Variants in KHDRBS2 observed in about 807,000 individuals in gnomAD.
KHDRBS2 encodes the protein KH domain-containing, RNA-binding, signal transduction-associated protein 2.
In KHDRBS2, 26 loss-of-function variants were observed where a neutral mutation model predicts 44.3. The ratio of observed to expected loss-of-function variants is 0.59; its 90% CI spans 0.43 to 0.81. The LOEUF is 0.81. Ranked by LOEUF, KHDRBS2 falls within the 40% of genes least tolerant of loss-of-function variation. The probability of loss-of-function intolerance (pLI) is 0.00; values close to 1 mark genes in which losing one functional copy is unlikely to be tolerated. For synonymous variants in KHDRBS2, 194 were observed against 151.1 expected, an observed-to-expected ratio of 1.28 and a Z score of -2.08; for missense variants, 476 against 433.1, an observed-to-expected ratio of 1.10 and a Z score of -0.88.
At chr6:61,920,040 G>A (rs537697517) in intron 4 of KHDRBS2, among the ~76,000 whole-genome samples, 9 of 151,896 alleles carry the variant, frequency 5.9e-5, no homozygotes, top group South Asian at 4.2e-4. Flanking sequence ...TAGATAAAAC[G>A]CATGACTATA....
At chr6:61,804,135 A>G (rs1316760259) in intron 6 of KHDRBS2, among the ~76,000 whole-genome samples, 7 of 152,174 alleles carry the variant, frequency 4.6e-5, no homozygotes, top group Non-Finnish European at 7.3e-5. Flanking sequence ...CTACGAGTCT[A>G]CAAAATCAAA....
the KHDRBS2 span, among the ~76,000 whole-genome samples, chr6:61,633,755 C>T: frequency 2.0e-5 from 3 of 151,854 alleles, no homozygotes; most frequent in Non-Finnish European, 4.4e-5. Context: ...AGCCCAAGGG[C>T]AATTCTTTAT....
chr6:62,087,229 A>G (rs908455102), intron 2 of KHDRBS2, among the ~76,000 whole-genome samples: 3 of 152,154 alleles, frequency 2.0e-5, no homozygotes, highest in African/African-American at 7.2e-5. Flanking sequence ...AAAGCATACC[A>G]GAAGGATATG....
chr6:61,724,631 C>A (rs115003590), intron 7 of KHDRBS2, among the ~76,000 whole-genome samples: 15 of 151,632 alleles, frequency 9.9e-5, no homozygotes, highest in Non-Finnish European at 2.1e-4. Flanking sequence ...ACCAAGCAAA[C>A]GGAAAACGAA....
At chr6:62,165,934 A>C (rs563230688) in intron 2 of KHDRBS2, among the ~76,000 whole-genome samples, 2 of 151,924 alleles carry the variant, frequency 1.3e-5, no homozygotes, top group East Asian at 1.9e-4. Context: ...CCAAACAAAA[A>C]CTCGGTACCC....
At chr6:61,884,755 G>A (rs1240018919) in intron 6 of KHDRBS2, among the ~76,000 whole-genome samples, 1 of 151,088 alleles carries the variant, frequency 6.6e-6, no homozygotes, top group Admixed American at 6.6e-5. Context: ...CACTAACTTG[G>A]TTCTAGCTAA....
chr6:62,194,480 C>CTTTTT lies in KHDRBS2; in HGVS notation c.92-17173_92-17169dup, dbSNP rs70996208. Among the ~76,000 whole-genome samples the CTTTTT allele has an allele frequency of 4.4e-4, 31 of 69,766 alleles. 2 individuals are homozygous for CTTTTT. Among genetic ancestry groups the CTTTTT allele is most frequent in the South Asian group, 6.2e-4 (1 of 1,608 alleles). The allele number at this position is 69,766 out of a possible 152,430, so 45.8% of individuals were successfully genotyped here. A position where few individuals can be genotyped will look rare whatever the true frequency, so the allele number is the denominator to read the frequency against. ...CACTTTCTTTTCTTTTCTTTTCTTCCTTTTTTTTTTTTTTTTTTTTTTTTT... is the reference window on the plus strand; with the variant it reads ...CACTTTCTTTTCTTTTCTTTTCTTCCTTTTTTTTTTTTTTTTTTTTTTTTTTTTTT... On this transcript the variant is annotated intron_variant, in intron 1 of 8. Coordinates refer to ENST00000281156, the MANE Select transcript of KHDRBS2 (RefSeq NM_152688.4).
chr6:61,828,307 TAA>T (rs1791241875), intron 6 of KHDRBS2, among the ~76,000 whole-genome samples: 1 of 152,148 alleles, frequency 6.6e-6, no homozygotes, highest in African/African-American at 2.4e-5. Context: ...CCAATTTTGA[TAA>T]AGTCTATAAA....
At chr6:61,858,844 C>A (rs1449639033) in intron 6 of KHDRBS2, among the ~76,000 whole-genome samples, 1 of 151,724 alleles carries the variant, frequency 6.6e-6, no homozygotes. Context: ...CGTATATTGG[C>A]CAGATTATCG....
At chr6:61,881,429 T>C (rs970217984) in intron 6 of KHDRBS2, among the ~76,000 whole-genome samples, 4 of 151,970 alleles carry the variant, frequency 2.6e-5, no homozygotes, top group Non-Finnish European at 5.9e-5. Flanking sequence ...GGAGATTCTA[T>C]ATAAATTCTA....
At chr6:62,144,013 C>T (rs1459224273) in intron 2 of KHDRBS2, among the ~76,000 whole-genome samples, 1 of 151,842 alleles carries the variant, frequency 6.6e-6, no homozygotes. Context: ...TCATCTAAGC[C>T]AGTGATAAAC....
Position 62,177,372 on chromosome 6 carries a change from G to A in KHDRBS2, c.92-60C>T, listed in dbSNP as rs1052888135. 5 of 1,285,086 alleles carry A rather than the reference G, an allele frequency of 3.9e-6. No individual in the cohort carries two copies. In the African/African-American group the frequency reaches 7.5e-5, roughly 19 times the overall value. 79.6% of individuals were successfully genotyped at this position (1,285,086 alleles called of 1,614,324 possible). On this transcript the variant is annotated intron_variant, in intron 1 of 8. Coordinates refer to ENST00000281156, the MANE Select transcript of KHDRBS2 (RefSeq NM_152688.4). The stretch of plus-strand genomic sequence containing the variant: ...TGAGGAACAATGTTATCATAAATAT[G>A]CTGAAAAATGTTATCATAAATAATA...
chr6:61,720,305 G>T (rs1347545141), intron 7 of KHDRBS2, among the ~76,000 whole-genome samples: 1 of 152,150 alleles, frequency 6.6e-6, no homozygotes, highest in Non-Finnish European at 1.5e-5. Context: ...TAATGGGATG[G>T]CTGGGTCAAA....
chr6:61,847,915 C>A (rs940500820), intron 6 of KHDRBS2, among the ~76,000 whole-genome samples: 2 of 150,574 alleles, frequency 1.3e-5, no homozygotes, highest in African/African-American at 4.9e-5. Flanking sequence ...ATGATTTTTT[C>A]TGCTTAATGT....
At chr6:61,943,019 AAAGG>A (rs554781469) in intron 4 of KHDRBS2, among the ~76,000 whole-genome samples, 45 of 146,478 alleles carry the variant, frequency 3.1e-4, no homozygotes, top group Admixed American at 8.2e-4. Flanking sequence ...AGAGAGAGAG[AAAGG>A]AAGGAAGGAA....
At chr6:62,062,496 G>C (rs374534151) in intron 2 of KHDRBS2, among the ~76,000 whole-genome samples, 2 of 151,380 alleles carry the variant, frequency 1.3e-5, no homozygotes, top group African/African-American at 2.4e-5. Flanking sequence ...GCTCAGCTAC[G>C]TGGAAACTGA....
chr6:61,847,925 T>C (rs1483634618), intron 6 of KHDRBS2, among the ~76,000 whole-genome samples: 1 of 152,044 alleles, frequency 6.6e-6, no homozygotes, highest in African/African-American at 2.4e-5. Context: ...CTGCTTAATG[T>C]TATGAGCTAA....
At chr6:62,159,145 G>A (rs1223105140) in intron 2 of KHDRBS2, among the ~76,000 whole-genome samples, 1 of 152,102 alleles carries the variant, frequency 6.6e-6, no homozygotes, top group Non-Finnish European at 1.5e-5. Flanking sequence ...TGTTCAATAT[G>A]CTGCACTTAG....
chr6:61,574,529 C>T, the KHDRBS2 span: 10 of 598,612 alleles, frequency 1.7e-5, no homozygotes, highest in Non-Finnish European at 1.1e-5. Context: ...CGGAGTATAA[C>T]CCAACCTCCG....
Sources: gnomAD v4.1 joint callset for allele counts (sites outside exome capture counted in the v4.1 genomes callset) on GRCh38, gnomAD v4.1.1 for gene constraint, MANE v1.5 for transcripts, NCBI Gene and HGNC (gene_info 2026-07-23, HGNC 2026-07-21) for gene names.